Variants in PRRC1 observed in about 807,000 individuals in gnomAD.
PRRC1 encodes the protein proline rich coiled-coil 1, also known as protein PRRC1.
A neutral mutation model predicts 40.7 loss-of-function variants in PRRC1; 39 were observed. The observed-to-expected ratio is 0.96, with a 90% CI of 0.74 to 1.25. The LOEUF is 1.25. Among genes scored for constraint, PRRC1 ranks in the 50% most tolerant of loss-of-function variants. The pLI is 0.00. For missense variants in PRRC1, 573 were observed against 548.3 expected, an observed-to-expected ratio of 1.05 and a Z score of -0.45; for synonymous variants, 175 against 193.3, an observed-to-expected ratio of 0.91 and a Z score of 0.79.
chr5:127,551,701 C>A lies in PRRC1; in HGVS notation c.1129-6C>A. 6.2e-7 allele frequency: 1 copy of A among 1,613,592 alleles called. No individual in the cohort carries two copies. The highest frequency in any genetic ancestry group is 8.5e-7 in the Non-Finnish European group (1 of 1,179,608). On this transcript the variant is annotated splice_region_variant and splice_polypyrimidine_tract_variant and intron_variant, in intron 8 of 8. Coordinates refer to ENST00000296666, the MANE Select transcript of PRRC1 (RefSeq NM_130809.5). ...TATAAGTAATATCAATTTCATCTTT[C>A]CACAGGCTCAAAGTCTAACTCCCCA...
intron 3 of PRRC1, among the ~76,000 whole-genome samples, chr5:127,526,146 CT>C (rs1353044881): frequency 6.6e-6 from 1 of 152,186 alleles, no homozygotes; most frequent in Non-Finnish European, 1.5e-5. Flanking sequence ...TATTATCTAT[CT>C]TTCCCTGTCT....
Position 127,530,388 on chromosome 5 carries a change from C to G in PRRC1, c.749C>G (p.Pro250Arg). 1 of 1,613,010 alleles carries G rather than the reference C, an allele frequency of 6.2e-7. No homozygotes were observed. Among genetic ancestry groups the G allele is most frequent in the Non-Finnish European group, 8.5e-7 (1 of 1,179,232 alleles). ...MITTLDPGMA[P>R]YIKSGGELDI... is the part of the protein sequence containing the mutation. ...ACAACGCTGGACCCTGGCATGGCTC[C>G]CTATATCAGTATGTACATAAGTTAG... The change falls in exon 5 of 9, where the codon CCC becomes CGC. Residue 250 changes from proline (P) to arginine (R), a missense_variant. Pro to Arg is a moderately radical substitution (Grantham distance 103). Coordinates refer to ENST00000296666, the MANE Select transcript of PRRC1 (RefSeq NM_130809.5).
intron 7 of PRRC1, among the ~76,000 whole-genome samples, chr5:127,545,069 C>T: frequency 1.3e-5 from 2 of 152,284 alleles, no homozygotes; most frequent in South Asian, 4.1e-4. Flanking sequence ...GAGAAATGCA[C>T]ATCAAAACCA....
At position 127,553,787 on chromosome 5, in the gene PRRC1, A is replaced by G. The variant is rs1372695087; in HGVS notation, c.*1871A>G. The G allele has an allele frequency of 6.5e-7, 1 of 1,535,130 alleles. No homozygotes were observed. The highest frequency in any genetic ancestry group is 8.7e-7 in the Non-Finnish European group (1 of 1,146,346). ...TTCTCATAGAATCACAAATACTGAC[A>G]TTTCATTAGATGATTATTTTCCTAG... On this transcript the variant is annotated 3_prime_UTR_variant, in exon 9 of 9. Transcript: ENST00000296666.
At chr5:127,527,501 T>G (rs1430589671) in intron 4 of PRRC1, among the ~76,000 whole-genome samples, 2 of 152,096 alleles carry the variant, frequency 1.3e-5, no homozygotes, top group African/African-American at 4.8e-5. Context: ...GCCTGTAATC[T>G]TAACACTTTG....
intron 3 of PRRC1, 103 bp downstream of exon 3, chr5:127,525,023 C>G: frequency 4.3e-6 from 5 of 1,174,260 alleles, no homozygotes; most frequent in Non-Finnish European, 4.7e-6. Flanking sequence ...CTCTACAATT[C>G]ACCCAATTCA....
chr5:127,526,871 G>A, intron 4 of PRRC1, 93 bp downstream of exon 4: 37 of 1,127,178 alleles, frequency 3.3e-5, no homozygotes, highest in Non-Finnish European at 4.3e-5. Flanking sequence ...GATGGCACAA[G>A]GAAAAATAAA....
intron 7 of PRRC1, among the ~76,000 whole-genome samples, chr5:127,546,075 C>T (rs1194820004): frequency 6.6e-6 from 1 of 152,136 alleles, no homozygotes; most frequent in African/African-American, 2.4e-5. Context: ...ACCTTAATTA[C>T]ATGCCCATTC....
At position 127,552,076 on chromosome 5, in the gene PRRC1, A is replaced by G; in HGVS notation, c.*160A>G. On this transcript the variant is annotated 3_prime_UTR_variant, in exon 9 of 9. Coordinates refer to ENST00000296666, the MANE Select transcript of PRRC1 (RefSeq NM_130809.5). ...TCTTTCTCTAGAAAGGCATCATGTC[A>G]TTCCAGGAGACAAAAAGAAACAAAT... The G allele has an allele frequency of 7.0e-7, 1 of 1,429,840 alleles. No homozygotes were observed. Among genetic ancestry groups the G allele is most frequent in the East Asian group, 2.5e-5 (1 of 39,650 alleles). 88.6% of individuals were successfully genotyped at this position (1,429,840 alleles called of 1,614,324 possible).
intron 1 of PRRC1, among the ~76,000 whole-genome samples, chr5:127,521,301 C>T (rs1223258870): frequency 6.6e-6 from 1 of 152,212 alleles, no homozygotes; most frequent in Non-Finnish European, 1.5e-5. Context: ...GTCATCTGCT[C>T]TGTTCTTAGT....
In PRRC1 at chr5:127,539,027, C is replaced by CA; in HGVS notation, c.922-12dup. 3.1e-6 allele frequency: 5 copies of CA among 1,601,794 alleles called. No individual in the cohort carries two copies. The South Asian group carries it at 5.5e-5, about 18-fold the overall frequency. ...ATTTGAAATGGTCTCTAACCTCTGCCATTGTTGTTTAGGGTGCTCAGGAAC... is the reference window on the plus strand; with the variant it reads ...ATTTGAAATGGTCTCTAACCTCTGCCAATTGTTGTTTAGGGTGCTCAGGAAC... On this transcript the variant is annotated splice_polypyrimidine_tract_variant and intron_variant, in intron 6 of 8. Transcript: ENST00000296666.
At chr5:127,529,978 A>G (rs530529491) in intron 4 of PRRC1, among the ~76,000 whole-genome samples, 1 of 152,240 alleles carries the variant, frequency 6.6e-6, no homozygotes, top group Admixed American at 6.5e-5. Flanking sequence ...ATAAATAAGT[A>G]GAAGTGAAAT....
intron 7 of PRRC1, 83 bp from the exon 8 acceptor site, chr5:127,547,736 T>A (rs1317443367): frequency 2.3e-6 from 2 of 861,776 alleles, no homozygotes; most frequent in African/African-American, 3.4e-5. Flanking sequence ...ATCTGAATAA[T>A]AGTACTTGTT....
chr5:127,543,720 T>C (rs978789925), intron 7 of PRRC1, among the ~76,000 whole-genome samples: 108 of 152,274 alleles, frequency 7.1e-4, no homozygotes, highest in African/African-American at 2.5e-3. Context: ...GCTTTCAGCT[T>C]CATCAGCTCC....
At chr5:127,521,798 T>C (rs993301093) in intron 1 of PRRC1, among the ~76,000 whole-genome samples, 1 of 152,220 alleles carries the variant, frequency 6.6e-6, no homozygotes, top group African/African-American at 2.4e-5. Flanking sequence ...TCAGTTGGTA[T>C]ATATATTTGC....
At chr5:127,525,239 AAT>A (rs1767589135) in intron 3 of PRRC1, among the ~76,000 whole-genome samples, 1 of 152,220 alleles carries the variant, frequency 6.6e-6, no homozygotes, top group Non-Finnish European at 1.5e-5. Context: ...ATATAGATGG[AAT>A]CATATAATAC....
intron 6 of PRRC1, among the ~76,000 whole-genome samples, chr5:127,534,611 A>T (rs1272462833): frequency 6.6e-6 from 1 of 151,300 alleles, no homozygotes; most frequent in Admixed American, 6.6e-5. Context: ...TGTATTGCTC[A>T]CTCCTTCTGT....
At chr5:127,527,996 AAAT>A (rs1368761929) in intron 4 of PRRC1, among the ~76,000 whole-genome samples, 5 of 152,290 alleles carry the variant, frequency 3.3e-5, no homozygotes, top group African/African-American at 1.2e-4. Flanking sequence ...GACAGGCAAA[AAAT>A]AATACCACAT....
chr5:127,524,608 C>T lies in PRRC1; in HGVS notation c.181C>T (p.Pro61Ser), dbSNP rs1396795459. The T allele has an allele frequency of 1.2e-6, 2 of 1,614,202 alleles. No homozygotes were observed. The highest frequency in any genetic ancestry group is 1.7e-5 in the Admixed American group (1 of 60,028). The change falls in exon 3 of 9, where the codon CCG (proline) becomes TCG (serine). Residue 61 changes from proline to serine, a missense_variant. Pro to Ser is a moderately conservative substitution (Grantham distance 74). Transcript: ENST00000296666. ...ACCACTCGCATACTCTACTCCTCAG[C>T]CGCCCCTTCCTCCTGTGAGGCCTTC... ...FPPLAYSTPQ[P>S]PLPPVRPSAP...
Sources: allele counts gnomAD v4.1 joint callset (sites outside exome capture counted in the v4.1 genomes callset), GRCh38; gene constraint gnomAD v4.1.1; transcripts MANE v1.5; gene names NCBI Gene and HGNC (gene_info 2026-07-23, HGNC 2026-07-21).